Variants in NKAIN2 observed in about 807,000 individuals in gnomAD.
NKAIN2 encodes sodium/potassium transporting ATPase interacting 2.
In NKAIN2, 14 loss-of-function variants were observed where a neutral mutation model predicts 32.6. The observed-to-expected ratio is 0.43, with a 90% CI of 0.28 to 0.67. The LOEUF is 0.67. NKAIN2 is among the 30% of genes least tolerant of loss of function. The pLI is 0.17. For missense variants in NKAIN2, 198 were observed against 258.3 expected (o/e 0.77, Z 1.60); for synonymous variants, 80 against 87.2 (o/e 0.92, Z 0.46).
intron 3 of NKAIN2, among the ~76,000 whole-genome samples, chr6:124,513,989 A>G (rs1357486799): frequency 1.3e-5 from 2 of 152,222 alleles, no homozygotes; most frequent in Non-Finnish European, 2.9e-5. Flanking sequence ...AAAATCCAGC[A>G]AGGGTGAGAA....
chr6:123,920,621 C>T (rs759726172), intron 1 of NKAIN2, among the ~76,000 whole-genome samples: 32 of 152,026 alleles, frequency 2.1e-4, no homozygotes, highest in Non-Finnish European at 4.4e-4. Flanking sequence ...GTTTTGTCCA[C>T]TATATCACAG....
intron 1 of NKAIN2, among the ~76,000 whole-genome samples, chr6:124,024,599 T>C (rs1781020521): frequency 6.7e-6 from 1 of 149,886 alleles, no homozygotes; most frequent in Admixed American, 6.7e-5. Context: ...CAGTTTTAGA[T>C]AAAGCAGATC....
At chr6:124,006,913 A>G (rs1780101196) in intron 1 of NKAIN2, among the ~76,000 whole-genome samples, 1 of 152,216 alleles carries the variant, frequency 6.6e-6, no homozygotes, top group Non-Finnish European at 1.5e-5. Flanking sequence ...TGAATGAAAT[A>G]GCTTTTGTGA....
At position 123,883,047 on chromosome 6, in the gene NKAIN2, T is replaced by C. The variant is rs374401910; in HGVS notation, c.54+78793T>C. 6.2e-4 allele frequency among the ~76,000 whole-genome samples: 94 copies of C among 152,266 alleles called. 1 individual carries two copies. Among genetic ancestry groups the C allele is most frequent in the African/African-American group, 2.1e-3 (87 of 41,568 alleles). ...GGTTTGTGTCCTTGCCCAAATCTCATGTCAAATTGTAATCCCCAGTGTTGG... is the reference window on the plus strand; with the variant it reads ...GGTTTGTGTCCTTGCCCAAATCTCACGTCAAATTGTAATCCCCAGTGTTGG... On this transcript the variant is annotated intron_variant, in intron 1 of 6. Coordinates refer to ENST00000368417, the MANE Select transcript of NKAIN2 (RefSeq NM_001040214.3).
intron 1 of NKAIN2, among the ~76,000 whole-genome samples, chr6:123,975,274 G>T (rs912544934): frequency 1.3e-5 from 2 of 152,032 alleles, no homozygotes; most frequent in South Asian, 4.1e-4. Context: ...AAATGCTCAG[G>T]AAATTCTCAA....
intron 1 of NKAIN2, among the ~76,000 whole-genome samples, chr6:123,985,709 C>T (rs572764690): frequency 3.3e-5 from 5 of 152,164 alleles, no homozygotes; most frequent in East Asian, 3.9e-4. Flanking sequence ...TATATTGTGA[C>T]GGCTTATGGT....
chr6:123,927,623 G>T (rs1027610370), intron 1 of NKAIN2, among the ~76,000 whole-genome samples: 2 of 152,174 alleles, frequency 1.3e-5, no homozygotes, highest in Non-Finnish European at 2.9e-5. Context: ...AACAAGAAAG[G>T]TGCTTATTTC....
At chr6:123,958,282 A>C (rs1201751532) in intron 1 of NKAIN2, among the ~76,000 whole-genome samples, 1 of 152,222 alleles carries the variant, frequency 6.6e-6, no homozygotes, top group Non-Finnish European at 1.5e-5. Context: ...CAGGAAAAGA[A>C]ACAGGTTTAC....
chr6:124,453,378 G>A (rs1776194840), intron 3 of NKAIN2, among the ~76,000 whole-genome samples: 1 of 122,898 alleles, frequency 8.1e-6, no homozygotes, highest in Admixed American at 8.3e-5. Flanking sequence ...CAGTTCTGAG[G>A]TCAATCAGGA....
chr6:124,659,835 G>C (rs1009887878), intron 4 of NKAIN2, among the ~76,000 whole-genome samples: 1 of 151,920 alleles, frequency 6.6e-6, no homozygotes, highest in Non-Finnish European at 1.5e-5. Context: ...TAAAGAGGAA[G>C]GGCTGTTTAT....
chr6:124,686,242 C>T (rs1773873085), intron 4 of NKAIN2, among the ~76,000 whole-genome samples: 1 of 152,158 alleles, frequency 6.6e-6, no homozygotes, highest in African/African-American at 2.4e-5. Context: ...GCAGGCCTTA[C>T]ATACAACCTG....
chr6:124,715,545 C>T (rs577962577), intron 4 of NKAIN2, among the ~76,000 whole-genome samples: 3 of 152,330 alleles, frequency 2.0e-5, no homozygotes, highest in African/African-American at 7.2e-5. Context: ...TGAAGCCAGG[C>T]TGGTTTGACA....
chr6:124,174,192 C>A (rs976890631), intron 1 of NKAIN2, among the ~76,000 whole-genome samples: 1 of 152,074 alleles, frequency 6.6e-6, no homozygotes, highest in Non-Finnish European at 1.5e-5. Context: ...ATGAAACTTA[C>A]TTAAGAGAAC....
At chr6:124,392,150 G>T (rs1250481884) in intron 3 of NKAIN2, among the ~76,000 whole-genome samples, 2 of 151,894 alleles carry the variant, frequency 1.3e-5, no homozygotes, top group African/African-American at 4.8e-5. Context: ...TTAAAAACTG[G>T]AAAATTTGTT....
chr6:124,570,663 C>G (rs1781092513), intron 3 of NKAIN2, among the ~76,000 whole-genome samples: 1 of 152,182 alleles, frequency 6.6e-6, no homozygotes, highest in South Asian at 2.1e-4. Context: ...AGTGGAAAAG[C>G]CTGGATGCCC....
At chr6:124,186,139 G>GA (rs1225256064) in intron 1 of NKAIN2, among the ~76,000 whole-genome samples, 22 of 71,826 alleles carry the variant, frequency 3.1e-4, no homozygotes, top group African/African-American at 1.0e-3. Context: ...AAAAAGAAAA[G>GA]AAAGGAAGGA....
intron 1 of NKAIN2, among the ~76,000 whole-genome samples, chr6:124,138,163 A>C (rs1421735969): frequency 6.6e-6 from 1 of 152,164 alleles, no homozygotes; most frequent in Non-Finnish European, 1.5e-5. Context: ...CTTATCAAAA[A>C]AGGGGGGCAA....
At chr6:124,246,491 A>G (rs1793406814) in intron 1 of NKAIN2, among the ~76,000 whole-genome samples, 1 of 152,052 alleles carries the variant, frequency 6.6e-6, no homozygotes, top group African/African-American at 2.4e-5. Context: ...TCCACAACTC[A>G]TAACTCAGTT....
rs116867453 is a variant in NKAIN2 at position 124,720,363 on chromosome 6, T to G, written c.474+61977T>G. 2.0e-5 allele frequency among the ~76,000 whole-genome samples: 3 copies of G among 152,190 alleles called. No individual in the cohort carries two copies. The South Asian group carries it at 6.2e-4, about 32-fold the overall frequency. ...GCAATTGACAAGTTAGTTGTTGTTT[T>G]TATTTTTGCTGAGTATTAGGATGCT... On this transcript the variant is annotated intron_variant, in intron 4 of 6. Coordinates refer to ENST00000368417, the MANE Select transcript of NKAIN2 (RefSeq NM_001040214.3).
Sources: gnomAD v4.1 joint callset for allele counts (sites outside exome capture counted in the v4.1 genomes callset) on GRCh38, gnomAD v4.1.1 for gene constraint, MANE v1.5 for transcripts, NCBI Gene and HGNC (gene_info 2026-07-23, HGNC 2026-07-21) for gene names.